Variants in TMEM33 observed in about 807,000 individuals in gnomAD.
The protein encoded by TMEM33 is transmembrane protein 33.
TMEM33 carries 16 observed loss-of-function variants against 29.7 expected under a neutral mutation model. The ratio of observed to expected loss-of-function variants is 0.54; its 90% CI spans 0.36 to 0.82. The LOEUF (loss-of-function observed/expected upper bound fraction) is 0.82. Among genes scored for constraint, TMEM33 ranks in the 40% least tolerant of loss-of-function variants. TMEM33 has a pLI of 0.00. For missense variants in TMEM33, 252 were observed against 295.3 expected (o/e 0.85, Z 1.08); for synonymous variants, 112 against 109.4 (o/e 1.02, Z -0.15).
intron 5 of TMEM33, among the ~76,000 whole-genome samples, 191 bp from the exon 6 acceptor site, chr4:41,949,111 C>G (rs1291116511): frequency 6.6e-6 from 1 of 151,992 alleles, no homozygotes; most frequent in Non-Finnish European, 1.5e-5. Context: ...CAACATTTTA[C>G]TCTTTACCAA....
intron 1 of TMEM33, among the ~76,000 whole-genome samples, chr4:41,937,193 A>G (rs957991764): frequency 3.3e-5 from 5 of 152,236 alleles, no homozygotes; most frequent in Admixed American, 2.6e-4. Context: ...GATTTATTGC[A>G]GAATAAACAA....
intron 5 of TMEM33, among the ~76,000 whole-genome samples, chr4:41,945,369 T>C (rs1712738120): frequency 6.6e-6 from 1 of 152,202 alleles, no homozygotes; most frequent in Non-Finnish European, 1.5e-5. Flanking sequence ...AGTATGAACA[T>C]TAAAATAGTA....
intron 1 of TMEM33, among the ~76,000 whole-genome samples, chr4:41,937,595 C>A (rs1056191592): frequency 2.0e-5 from 3 of 151,704 alleles, no homozygotes; most frequent in African/African-American, 7.3e-5. Flanking sequence ...AGTGTAAACA[C>A]CAGCTATTTT....
At chr4:41,949,822 G>A (rs181430772) in intron 6 of TMEM33, among the ~76,000 whole-genome samples, 4 of 152,206 alleles carry the variant, frequency 2.6e-5, no homozygotes. Flanking sequence ...GAAGATAGAT[G>A]AGCCCAGGAA....
intron 6 of TMEM33, among the ~76,000 whole-genome samples, chr4:41,951,971 C>T (rs1713056122): frequency 6.6e-6 from 1 of 152,146 alleles, no homozygotes. Flanking sequence ...TGGGAACCCC[C>T]ATGATGAAAT....
intron 4 of TMEM33, 147 bp downstream of exon 4, chr4:41,943,961 G>T: frequency 1.5e-6 from 1 of 649,728 alleles, no homozygotes. Flanking sequence ...AAAGTTTTAA[G>T]TTTAAAAGTG....
chr4:41,938,373 CT>C (rs1210453658), intron 1 of TMEM33, among the ~76,000 whole-genome samples: 1 of 151,966 alleles, frequency 6.6e-6, no homozygotes, highest in East Asian at 1.9e-4. Context: ...CTATTTATTT[CT>C]GTTTAAGTAC....
chr4:41,947,297 T>TATA (rs970695643), intron 5 of TMEM33, among the ~76,000 whole-genome samples: 7 of 152,000 alleles, frequency 4.6e-5, no homozygotes, highest in Admixed American at 1.3e-4. Context: ...TTGATGTCTA[T>TATA]ATCCTGAAAC....
chr4:41,955,542 A>G lies in TMEM33; in HGVS notation c.*1343A>G, dbSNP rs1713246819. ...TCTCAAATACATTCATTAGTAATTT[A>G]TCAGTAACATTAGTTTTATTTTTGT... On this transcript the variant is annotated 3_prime_UTR_variant, in exon 7 of 7. Coordinates refer to ENST00000504986, the MANE Select transcript of TMEM33 (RefSeq NM_018126.3). 2 of 152,678 alleles carry G rather than the reference A, an allele frequency of 1.3e-5. No homozygotes were observed. The highest frequency in any genetic ancestry group is 6.5e-5 in the Admixed American group (1 of 15,284). The allele number at this position is 152,678 out of a possible 1,614,324, so 9.5% of individuals were successfully genotyped here.
chr4:41,954,136 T>G lies in TMEM33; in HGVS notation c.681T>G (p.Phe227Leu). Reference protein sequence around the residue: ...HIIMKPACPLFVRRLCLQSIA... With the variant: ...HIIMKPACPLLVRRLCLQSIA... ...TAATGAAACCTGCTTGCCCACTGTT[T>G]GTGAGAAGACTTTGTCTCCAGAGCA... Residue 227 changes from phenylalanine (F) to leucine (L), a missense_variant, in exon 7 of 7, where the codon TTT becomes TTG. Transcript: ENST00000504986. The G allele has an allele frequency of 6.2e-7, 1 of 1,613,984 alleles. No homozygotes were observed. Among genetic ancestry groups the G allele is most frequent in the South Asian group, 1.1e-5 (1 of 91,074 alleles).
At chr4:41,943,848 T>TTACA (rs1392569020) in intron 4 of TMEM33, 34 bp downstream of exon 4, 17 of 1,585,742 alleles carry the variant, frequency 1.1e-5, no homozygotes, top group Non-Finnish European at 1.3e-5. Flanking sequence ...GACTTCTGAA[T>TTACA]TACAGATCAT....
chr4:41,945,392 T>C (rs1712738932), intron 5 of TMEM33, among the ~76,000 whole-genome samples: 2 of 152,340 alleles, frequency 1.3e-5, no homozygotes, highest in East Asian at 1.9e-4. Flanking sequence ...GACCTCTGCA[T>C]TGAAATTTTT....
chr4:41,958,950 T>C lies in TMEM33; in HGVS notation c.*4751T>C, dbSNP rs1252485856. On this transcript the variant is annotated 3_prime_UTR_variant, in exon 7 of 7. Transcript: ENST00000504986. ...TCAGGCTGGTCTTGAACTCCTGGCC[T>C]CAAGTGATCTGCCCGCCTCGACCTC... is the stretch of plus-strand genomic sequence containing the variant. 2 of 151,606 alleles carry C rather than the reference T, an allele frequency of 1.3e-5. No homozygotes were observed. Among genetic ancestry groups the C allele is most frequent in the Non-Finnish European group, 2.9e-5 (2 of 68,104 alleles). The allele number at this position is 151,606 out of a possible 1,614,324, so 9.4% of individuals were successfully genotyped here.
chr4:41,960,546 C>A lies in TMEM33; in HGVS notation c.*6347C>A, dbSNP rs998409299. 4 of 152,110 alleles carry A rather than the reference C, an allele frequency of 2.6e-5. No individual in the cohort carries two copies. Among genetic ancestry groups the A allele is most frequent in the Non-Finnish European group, 5.9e-5 (4 of 67,976 alleles). The allele number at this position is 152,110 out of a possible 1,614,324, so 9.4% of individuals were successfully genotyped here. ...TAAAATCTAATTGTGGAATAAAAAT[C>A]TCTCTGGAATTTAGCAGATACAAAA... On this transcript the variant is annotated 3_prime_UTR_variant, in exon 7 of 7. Transcript: ENST00000504986.
intron 3 of TMEM33, among the ~76,000 whole-genome samples, chr4:41,940,266 TG>T (rs1712474720): frequency 6.6e-6 from 1 of 152,096 alleles, no homozygotes; most frequent in Non-Finnish European, 1.5e-5. Context: ...AATTTGTGGT[TG>T]TTTTTTTTCC....
intron 3 of TMEM33, among the ~76,000 whole-genome samples, chr4:41,942,460 G>A (rs1712584923): frequency 6.6e-6 from 1 of 152,120 alleles, no homozygotes; most frequent in East Asian, 1.9e-4. Flanking sequence ...TCCTAAATGA[G>A]TTATGGTTAT....
At position 41,959,524 on chromosome 4, in the gene TMEM33, GAGAA is replaced by G. The variant is rs1484728424; in HGVS notation, c.*5329_*5332del. On this transcript the variant is annotated 3_prime_UTR_variant, in exon 7 of 7. Coordinates refer to ENST00000504986, the MANE Select transcript of TMEM33 (RefSeq NM_018126.3). ...ATCTAACAATTAGCTCATATTCCAT[GAGAA>G]AGAGTGGCCTAAGAATTATTTCATG... 6.6e-6 allele frequency: 1 copy of G among 152,206 alleles called. No individual in the cohort carries two copies. The highest frequency in any genetic ancestry group is 1.5e-5 in the Non-Finnish European group (1 of 68,036). The allele number at this position is 152,206 out of a possible 1,614,324, so 9.4% of individuals were successfully genotyped here.
At position 41,954,357 on chromosome 4, in the gene TMEM33, G is replaced by A; in HGVS notation, c.*158G>A. The stretch of plus-strand genomic sequence containing the variant: ...GGAAAAATAATCATTTTCTTGGCAT[G>A]TTAAATCAAGCTTAAAAAGTTTTGA... On this transcript the variant is annotated 3_prime_UTR_variant, in exon 7 of 7. Transcript: ENST00000504986. 1 of 865,338 alleles carries A rather than the reference G, an allele frequency of 1.2e-6. No individual in the cohort carries two copies. 53.6% of individuals were successfully genotyped at this position (865,338 alleles called of 1,614,324 possible). A position where few individuals can be genotyped will look rare whatever the true frequency, so the allele number is the denominator to read the frequency against.
chr4:41,945,973 CAAAA>C (rs35896467), intron 5 of TMEM33, among the ~76,000 whole-genome samples: 4 of 75,982 alleles, frequency 5.3e-5, no homozygotes, highest in Non-Finnish European at 1.1e-4. Flanking sequence ...TCTGTCTCAC[CAAAA>C]AAAAAAAAAA....
Sources: gnomAD v4.1 joint callset for allele counts (sites outside exome capture counted in the v4.1 genomes callset) on GRCh38, gnomAD v4.1.1 for gene constraint, MANE v1.5 for transcripts, NCBI Gene and HGNC (gene_info 2026-07-23, HGNC 2026-07-21) for gene names.